Variants in APC2 observed in about 807,000 individuals in gnomAD.
APC2 encodes adenomatous polyposis coli protein 2.
Under a neutral mutation model 72.5 loss-of-function variants are expected in APC2, and 41 were observed. That is an observed-to-expected ratio of 0.57 (90% CI 0.44 to 0.73). The LOEUF (loss-of-function observed/expected upper bound fraction) is 0.73. Ranked by LOEUF, APC2 falls within the 30% of genes least tolerant of loss-of-function variation. The pLI is 0.00. For missense variants in APC2, 3,729 were observed against 3,403.4 expected (o/e 1.10, Z -2.38); for synonymous variants, 1,898 against 1,612.0 (o/e 1.18, Z -4.25).
chr19:1,457,784 TGA>T (rs1172522615), intron 9 of APC2, 179 bp from the exon 10 acceptor site: 5 of 624,134 alleles, frequency 8.0e-6, no homozygotes, highest in Non-Finnish European at 8.6e-6. Context: ...CAAGGCTGAG[TGA>T]GAGAGGCCAC....
chr19:1,468,970 G>GC lies in APC2; in HGVS notation c.5675dup (p.Val1893GlyfsTer260). ...GCCTCCCAGCCCCTGCCCAGAAAGC[G>GC]CCCCCCGGTCACCCAGGCTGCTGGG... On this transcript the variant is annotated frameshift_variant, in exon 15 of 15. Transcript: ENST00000590469. LOFTEE classifies it low-confidence loss of function (END_TRUNC). 2.6e-6 allele frequency: 4 copies of GC among 1,557,450 alleles called. No individual in the cohort carries two copies. Among genetic ancestry groups the GC allele is most frequent in the Admixed American group, 1.8e-5 (1 of 54,714 alleles).
intron 14 of APC2, among the ~76,000 whole-genome samples, chr19:1,464,075 G>A (rs1293304497): frequency 6.6e-6 from 1 of 151,930 alleles, no homozygotes; most frequent in Non-Finnish European, 1.5e-5. Context: ...TTGGCAGGCC[G>A]AGGTAGGTGG....
At chr19:1,460,589 C>T (rs530340272) in intron 11 of APC2, among the ~76,000 whole-genome samples, 191 bp from the exon 12 acceptor site, 99 of 152,304 alleles carry the variant, frequency 6.5e-4, no homozygotes, top group Admixed American at 1.8e-3. Context: ...CTCAGGGCCC[C>T]GAGGCTGGGT....
At position 1,468,970 on chromosome 19, in the gene APC2, G is replaced by A. The variant is rs781468441; in HGVS notation, c.5669G>A (p.Arg1890His). ...GCCTCCCAGCCCCTGCCCAGAAAGC[G>A]CCCCCCGGTCACCCAGGCTGCTGGG... ...SPASQPLPRK[R>H]PPVTQAAGAL... The change falls in exon 15 of 15, where the codon CGC becomes CAC. Residue 1890 changes from arginine (R) to histidine (H), a missense_variant. Physicochemically the swap from Arg to His is conservative, Grantham distance 29. Coordinates refer to ENST00000590469, the MANE Select transcript of APC2 (RefSeq NM_005883.3). 1.3e-6 allele frequency: 2 copies of A among 1,557,462 alleles called. No individual in the cohort carries two copies. The highest frequency in any genetic ancestry group is 2.4e-5 in the East Asian group (1 of 41,344).
In APC2 at chr19:1,469,735, C is replaced by T. The variant is rs1212626594; in HGVS notation, c.6434C>T (p.Thr2145Ile). 3.4e-6 allele frequency: 5 copies of T among 1,481,368 alleles called. No homozygotes were observed. The highest frequency in any genetic ancestry group is 4.4e-6 in the Non-Finnish European group (5 of 1,123,842). 91.8% of individuals were successfully genotyped at this position (1,481,368 alleles called of 1,614,324 possible). Residue 2145 changes from threonine to isoleucine, a missense_variant, in exon 15 of 15, where the codon ACC becomes ATC. Physicochemically the swap from Thr to Ile is moderately conservative, Grantham distance 89 (BLOSUM62 -1). Transcript: ENST00000590469. Reference protein sequence around the residue: ...PLPRVAAPGTTWRRIRDEDVP... With the variant: ...PLPRVAAPGTIWRRIRDEDVP... ...CCCAGGGTGGCCGCGCCGGGCACGA[C>T]CTGGCGGCGCATCCGAGATGAGGAC...
In APC2 at chr19:1,457,370, G is replaced by C. The variant is rs569893404; in HGVS notation, c.1207+127G>C. The C allele has an allele frequency of 1.0e-3, 1,381 of 1,357,262 alleles. 1 individual carries two copies. The highest frequency in any genetic ancestry group is 1.2e-3 in the Non-Finnish European group (1,240 of 1,040,930). 84.1% of individuals were successfully genotyped at this position (1,357,262 alleles called of 1,614,324 possible). A position where few individuals can be genotyped will look rare whatever the true frequency, so the allele number is the denominator to read the frequency against. On this transcript the variant is annotated intron_variant, in intron 9 of 14. Coordinates refer to ENST00000590469, the MANE Select transcript of APC2 (RefSeq NM_005883.3). ...CTGGCGTTGGAGGCTGCAGTACCAG[G>C]CTCCGGCCGAGGCCTGTGGGGGCAT...
At chr19:1,464,387 G>A (rs1427897352) in intron 14 of APC2, among the ~76,000 whole-genome samples, 2 of 151,198 alleles carry the variant, frequency 1.3e-5, no homozygotes, top group Non-Finnish European at 3.0e-5. Flanking sequence ...TGTTATTTAT[G>A]AAAACACAAA....
intron 1 of APC2, among the ~76,000 whole-genome samples, chr19:1,450,563 G>C (rs1474837575): frequency 6.6e-6 from 1 of 152,244 alleles, no homozygotes; most frequent in Non-Finnish European, 1.5e-5. Context: ...ACCTCCCTGA[G>C]GTGATCGGAG....
Position 1,466,834 on chromosome 19 carries a change from G to A in APC2, c.3533G>A (p.Ser1178Asn). ...LGSFESPSIA[S>N]SIPSEPCSGQ... is the part of the protein sequence containing the mutation. ...AGCTTCGAGAGCCCGTCCATCGCCA[G>A]CTCCATCCCCAGTGAACCTTGCAGC... Residue 1178 changes from serine to asparagine, a missense_variant, in exon 15 of 15, where the codon AGC becomes AAC. By Grantham distance (46) the Ser-to-Asn change is conservative (BLOSUM62 1). Transcript: ENST00000590469. 1 of 1,557,668 alleles carries A rather than the reference G, an allele frequency of 6.4e-7. No individual in the cohort carries two copies. Among genetic ancestry groups the A allele is most frequent in the Non-Finnish European group, 8.7e-7 (1 of 1,152,062 alleles).
Position 1,461,039 on chromosome 19 carries a change from G to C in APC2, c.1524G>C (p.Val508=), listed in dbSNP as rs753761753. Reference sequence around the variant, plus strand: ...CACTTGCCCCTCACCCCACCCAGGTGGTGTCCAGCATCCTTCGGAACTTGT... The same window carrying C: ...CACTTGCCCCTCACCCCACCCAGGTCGTGTCCAGCATCCTTCGGAACTTGT... ...LASDSEELHQ[V]VSSILRNLSW... The change falls in exon 13 of 15, where the codon GTG becomes GTC. Residue 508 remains valine, a splice_region_variant and synonymous_variant. Coordinates refer to ENST00000590469, the MANE Select transcript of APC2 (RefSeq NM_005883.3). The C allele has an allele frequency of 6.8e-6, 11 of 1,613,904 alleles. 1 individual carries two copies. In the South Asian group the frequency reaches 1.2e-4, roughly 18 times the overall value.
chr19:1,469,315 G>A lies in APC2; in HGVS notation c.6014G>A (p.Arg2005Gln), dbSNP rs1416638583. 3 of 1,413,570 alleles carry A rather than the reference G, an allele frequency of 2.1e-6. No homozygotes were observed. The highest frequency in any genetic ancestry group is 2.6e-5 in the South Asian group (2 of 76,222). 87.6% of individuals were successfully genotyped at this position (1,413,570 alleles called of 1,614,324 possible). A position where few individuals can be genotyped will look rare whatever the true frequency, so the allele number is the denominator to read the frequency against. Residue 2005 changes from arginine to glutamine, a missense_variant, in exon 15 of 15, where the codon CGG becomes CAG. Physicochemically the swap from Arg to Gln is conservative, Grantham distance 43. Transcript: ENST00000590469. ...TTCATCAAGGAGTCGCCGGGCTTGC[G>A]GCGCCGCCGCTCCGAGCTGTCCTCG... ...LTFIKESPGL[R>Q]RRRSELSSAE...
rs1234894494 is a variant in APC2, at chr19:1,469,381, G to A, written c.6080G>A (p.Arg2027His). 6 of 1,225,824 alleles carry A rather than the reference G, an allele frequency of 4.9e-6. No homozygotes were observed. Among genetic ancestry groups the A allele is most frequent in the Non-Finnish European group, 6.1e-6 (6 of 983,198 alleles). The allele number at this position is 1,225,824 out of a possible 1,614,324, so 75.9% of individuals were successfully genotyped here. Reference sequence around the variant, plus strand: ...TCTGCCCCCCAGGGCGCCTCGCCCCGCCGCGGCCGGCCCGCGCTGCCCGCC... The same window carrying A: ...TCTGCCCCCCAGGGCGCCTCGCCCCACCGCGGCCGGCCCGCGCTGCCCGCC... ...AASAPQGASPRRGRPALPAVF... is the reference protein window; with the variant it reads ...AASAPQGASPHRGRPALPAVF... Residue 2027 changes from arginine (R) to histidine (H), a missense_variant, in exon 15 of 15, where the codon CGC becomes CAC. Arg to His is a conservative substitution (Grantham distance 29). Transcript: ENST00000590469.
rs762742037 is a variant in APC2, at chr19:1,468,099, C to G, written c.4798C>G (p.Arg1600Gly). 2.6e-6 allele frequency: 4 copies of G among 1,532,988 alleles called. No homozygotes were observed. Among genetic ancestry groups the G allele is most frequent in the Middle Eastern group, 1.8e-4 (1 of 5,588 alleles). 95.0% of individuals were successfully genotyped at this position (1,532,988 alleles called of 1,614,324 possible). Residue 1600 changes from arginine (R) to glycine (G), a missense_variant, in exon 15 of 15, where the codon CGA becomes GGA. Physicochemically the swap from Arg to Gly is moderately radical, Grantham distance 125 (BLOSUM62 -2). Transcript: ENST00000590469. ...EPSEPPAVHP[R>G]GREPAVTKDP... ...CTCGGAGCCGCCGGCCGTCCATCCA[C>G]GAGGCCGGGAGCCCGCGGTCACCAA...
chr19:1,456,185 G>T (rs770547919), intron 7 of APC2, 32 bp downstream of exon 7: 30 of 1,564,146 alleles, frequency 1.9e-5, no homozygotes, highest in Non-Finnish European at 2.6e-5. Flanking sequence ...GGGACCAGGG[G>T]TGGTGTCGGC....
rs1461193984 is a variant in APC2, at chr19:1,466,134, T to G, written c.2833T>G (p.Cys945Gly). The G allele has an allele frequency of 6.4e-7, 1 of 1,565,130 alleles. No individual in the cohort carries two copies. Among genetic ancestry groups the G allele is most frequent in the African/African-American group, 1.4e-5 (1 of 71,170 alleles). ...CTGCCCACGCGAACATATGCTGCCC[T>G]GCCCGCTGGCCGCACTGGCTTCGCG... ...GYCPREHMLP[C>G]PLAALASRRE... Residue 945 changes from cysteine to glycine, a missense_variant, in exon 15 of 15, where the codon TGC becomes GGC. By Grantham distance (159) the Cys-to-Gly change is radical (BLOSUM62 -3). Coordinates refer to ENST00000590469, the MANE Select transcript of APC2 (RefSeq NM_005883.3).
chr19:1,458,032 G>T lies in APC2; in HGVS notation c.1275G>T (p.Glu425Asp), dbSNP rs866008886. The change falls in exon 10 of 15, where the codon GAG becomes GAT. Residue 425 changes from glutamate (E) to aspartate (D), a missense_variant. Coordinates refer to ENST00000590469, the MANE Select transcript of APC2 (RefSeq NM_005883.3). ...CTGTTATGAAGCTGTCCTTTGATGA[G>T]GAGTACCGCCGTGCCATGAACGAGC... The part of the protein sequence containing the change: ...TCAVMKLSFD[E>D]EYRRAMNELG... 6.4e-7 allele frequency: 1 copy of T among 1,566,374 alleles called. No homozygotes were observed. Among genetic ancestry groups the T allele is most frequent in the East Asian group, 2.3e-5 (1 of 43,140 alleles).
At position 1,469,478 on chromosome 19, in the gene APC2, G is replaced by C; in HGVS notation, c.6177G>C (p.Gln2059His). 9.1e-7 allele frequency: 1 copy of C among 1,100,674 alleles called. No homozygotes were observed. Among genetic ancestry groups the C allele is most frequent in the South Asian group, 3.6e-5 (1 of 27,664 alleles). 68.2% of individuals were successfully genotyped at this position (1,100,674 alleles called of 1,614,324 possible). A position where few individuals can be genotyped will look rare whatever the true frequency, so the allele number is the denominator to read the frequency against. ...GGCAGGGCCCGGCCCCGGCCCGGCA[G>C]CGGCCCCCCGCGGCCCGACCCAGCC... ...APRQGPAPAR[Q>H]RPPAARPSPG... Residue 2059 changes from glutamine (Q) to histidine (H), a missense_variant, in exon 15 of 15, where the codon CAG becomes CAC. Coordinates refer to ENST00000590469, the MANE Select transcript of APC2 (RefSeq NM_005883.3).
At position 1,465,803 on chromosome 19, in the gene APC2, T is replaced by C. The variant is rs2084000369; in HGVS notation, c.2502T>C (p.Ser834=). ...RGGKEAEKDT[S]GEAAVAAKAK... is the part of the protein sequence containing the mutation. ...GCAAGGAGGCAGAGAAGGACACCAG[T>C]GGGGAGGCAGCCGTGGCGGCCAAGG... Residue 834 remains serine, a synonymous_variant, in exon 15 of 15, where the codon AGT becomes AGC. Coordinates refer to ENST00000590469, the MANE Select transcript of APC2 (RefSeq NM_005883.3). 1.3e-6 allele frequency: 2 copies of C among 1,582,572 alleles called. No individual in the cohort carries two copies. The highest frequency in any genetic ancestry group is 1.7e-6 in the Non-Finnish European group (2 of 1,166,236).
Position 1,465,908 on chromosome 19 carries a change from C to A in APC2, c.2607C>A (p.Asp869Glu), listed in dbSNP as rs747020134. 6 of 1,582,944 alleles carry A rather than the reference C, an allele frequency of 3.8e-6. No individual in the cohort carries two copies. The highest frequency in any genetic ancestry group is 1.1e-5 in the South Asian group (1 of 88,530). Reference protein sequence around the residue: ...EDISALHTSSDDSFSLSSGDP... With the variant: ...EDISALHTSSEDSFSLSSGDP... ...TCTCCGCCCTGCACACCTCGTCCGA[C>A]GATAGCTTCAGCCTCAGCTCTGGAG... The change falls in exon 15 of 15, where the codon GAC becomes GAA. Residue 869 changes from aspartate to glutamate, a missense_variant. By Grantham distance (45) the Asp-to-Glu change is conservative (BLOSUM62 2). Coordinates refer to ENST00000590469, the MANE Select transcript of APC2 (RefSeq NM_005883.3).
Sources: allele counts gnomAD v4.1 joint callset (sites outside exome capture counted in the v4.1 genomes callset), GRCh38; gene constraint gnomAD v4.1.1; transcripts MANE v1.5; gene names NCBI Gene and HGNC (gene_info 2026-07-23, HGNC 2026-07-21).